SNX20: variants seen among roughly 807,000 people sequenced by gnomAD.
SNX20 encodes sorting nexin 20.
SNX20 carries 21 observed loss-of-function variants against 24.5 expected under a neutral mutation model. The observed-to-expected ratio is 0.86, with a 90% CI of 0.61 to 1.23. SNX20 has a LOEUF of 1.23. Among genes scored for constraint, SNX20 ranks in the 50% most tolerant of loss-of-function variants. SNX20 has a pLI of 0.00. For synonymous variants in SNX20, 206 were observed against 192.8 expected (o/e 1.07, Z -0.57); for missense variants, 433 against 430.8 (o/e 1.00, Z -0.04).
chr16:50,672,108 T>C lies in SNX20; in HGVS notation c.*1298A>G, dbSNP rs1963062732. The C allele has an allele frequency of 6.6e-6, 1 of 152,360 alleles. No homozygotes were observed. The highest frequency in any genetic ancestry group is 2.4e-5 in the African/African-American group (1 of 41,584). 9.4% of individuals were successfully genotyped at this position (152,360 alleles called of 1,614,324 possible). ...GTTGAATCTAGGTCATTGGTCCAGA[T>C]GCCCCTTCATTCTGGGCCTGTGGTG... On this transcript the variant is annotated 3_prime_UTR_variant, in exon 4 of 4. Transcript: ENST00000330943.
intron 1 of SNX20, among the ~76,000 whole-genome samples, chr16:50,680,551 T>C (rs533830373): frequency 6.6e-6 from 1 of 152,270 alleles, no homozygotes; most frequent in African/African-American, 2.4e-5. Context: ...GAGGCCACAC[T>C]ATCTTTCTGA....
At position 50,673,413 on chromosome 16, in the gene SNX20, A is replaced by C; in HGVS notation, c.944T>G (p.Leu315Arg). The change falls in exon 4 of 4, where the codon CTG becomes CGG. Residue 315 changes from leucine (L) to arginine (R), a missense_variant. Coordinates refer to ENST00000330943, the MANE Select transcript of SNX20 (RefSeq NM_182854.4). The surrounding 1 kb of genome is among the most constrained non-coding windows in gnomAD (Gnocchi z 4.1). ...TLKELTVREY[L>R]H is the part of the protein sequence containing the mutation. ...GCGGGGTCCCAGGCCGGCTCAGTGCAGGTATTCTCGCACAGTGAGCTCCTT... is the reference window on the plus strand; with the variant it reads ...GCGGGGTCCCAGGCCGGCTCAGTGCCGGTATTCTCGCACAGTGAGCTCCTT... The C allele has an allele frequency of 6.5e-7, 1 of 1,543,412 alleles. No individual in the cohort carries two copies. The highest frequency in any genetic ancestry group is 8.8e-7 in the Non-Finnish European group (1 of 1,142,684).
In SNX20 at chr16:50,680,159, C is replaced by G. The variant is rs182094914; in HGVS notation, c.-10+1031G>C. Among the ~76,000 whole-genome samples the G allele has an allele frequency of 1.1e-3, 162 of 152,302 alleles. 1 individual carries two copies. Among genetic ancestry groups the G allele is most frequent in the East Asian group, 2.3e-3 (12 of 5,188 alleles). ...GGAGGGGGAAGGAAAGAGTTGTGCA[C>G]TGGTGTATCCATGGGGCCTTGGGTA... On this transcript the variant is annotated intron_variant, in intron 1 of 3. Coordinates refer to ENST00000330943, the MANE Select transcript of SNX20 (RefSeq NM_182854.4).
At chr16:50,667,295 G>T, downstream of SNX20, 1 of 153,526 alleles carries the variant, frequency 6.5e-6, no homozygotes, top group Non-Finnish European at 1.4e-5. Context: ...AACTGAGGAT[G>T]CCGAGGGTGG....
rs1293054361 is a variant in SNX20, at chr16:50,673,536, A to G, written c.821T>C (p.Val274Ala). 7 of 1,609,356 alleles carry G rather than the reference A, an allele frequency of 4.3e-6. No homozygotes were observed. Reference protein sequence around the residue: ...RYYAPLLDAMVRLAYALGKDF... With the variant: ...RYYAPLLDAMARLAYALGKDF... ...CTTGCCCAGCGCGTAGGCCAGGCGG[A>G]CCATGGCGTCCAGCAGAGGCGCATA... is the stretch of plus-strand genomic sequence containing the variant. The change falls in exon 4 of 4, where the codon GTC (valine) becomes GCC (alanine). Residue 274 changes from valine to alanine, a missense_variant. Val to Ala is a moderately conservative substitution (Grantham distance 64). Coordinates refer to ENST00000330943, the MANE Select transcript of SNX20 (RefSeq NM_182854.4). This position sits in a 1 kb window ranked among gnomAD's most constrained non-coding sequence, Gnocchi z 4.1.
chr16:50,669,008 T>G (rs1229658212), downstream of SNX20: 4 of 1,551,354 alleles, frequency 2.6e-6, no homozygotes, highest in Admixed American at 2.0e-5. Flanking sequence ...TTCCTGGAAT[T>G]TGGATGCAGG....
chr16:50,673,258 G>A lies in SNX20; in HGVS notation c.*148C>T. The A allele has an allele frequency of 1.6e-6, 2 of 1,251,818 alleles. No individual in the cohort carries two copies. Among genetic ancestry groups the A allele is most frequent in the Non-Finnish European group, 2.0e-6 (2 of 986,458 alleles). 77.5% of individuals were successfully genotyped at this position (1,251,818 alleles called of 1,614,324 possible). On this transcript the variant is annotated 3_prime_UTR_variant, in exon 4 of 4. Coordinates refer to ENST00000330943, the MANE Select transcript of SNX20 (RefSeq NM_182854.4). The surrounding 1 kb of genome is among the most constrained non-coding windows in gnomAD (Gnocchi z 4.1). ...TGAGGCTGCAGTGAGACATAATTGA[G>A]CCACTGCACTTCAGTCTGGGTGACA...
chr16:50,669,163 G>C, downstream of SNX20: 1 of 1,112,854 alleles, frequency 9.0e-7, no homozygotes, highest in Non-Finnish European at 1.3e-6. Context: ...AAACAGAGGT[G>C]AGTGAAATGA....
chr16:50,669,297 G>A, downstream of SNX20: 1 of 590,374 alleles, frequency 1.7e-6, no homozygotes. Flanking sequence ...CATGGCACCA[G>A]CATTGCTTCT....
At chr16:50,669,116 AT>A, downstream of SNX20, 1 of 1,496,642 alleles carries the variant, frequency 6.7e-7, no homozygotes, top group Non-Finnish European at 9.1e-7. Context: ...GTGACCCTGG[AT>A]AAGTCATCTC....
chr16:50,668,934 G>A (rs1448913210), downstream of SNX20: 8 of 1,481,228 alleles, frequency 5.4e-6, no homozygotes, highest in African/African-American at 2.8e-5. Context: ...GGAGGCTAGC[G>A]GCCCTGCCCA....
intron 1 of SNX20, among the ~76,000 whole-genome samples, chr16:50,678,511 C>T (rs1271797360): frequency 1.3e-5 from 2 of 152,238 alleles, no homozygotes; most frequent in Non-Finnish European, 2.9e-5. Flanking sequence ...ACCCAGCACA[C>T]ACTCTTGCAC....
At chr16:50,669,185 G>T, downstream of SNX20, 2 of 943,014 alleles carry the variant, frequency 2.1e-6, no homozygotes, top group Non-Finnish European at 3.4e-6. Context: ...CTTTAAAGGC[G>T]TGTCAGTCCA....
chr16:50,671,479 G>T (rs774142851), downstream of SNX20: 2 of 152,122 alleles, frequency 1.3e-5, no homozygotes, highest in African/African-American at 2.4e-5. Context: ...CATATCGGGG[G>T]TCTAACTCTT....
At chr16:50,679,206 G>A (rs140072858) in intron 1 of SNX20, among the ~76,000 whole-genome samples, 1,895 of 152,256 alleles carry the variant, frequency 0.012, 19 homozygotes, top group Non-Finnish European at 0.021. Flanking sequence ...TGAACCCCTG[G>A]GCTGACTACG....
chr16:50,673,691 G>T lies in SNX20; in HGVS notation c.666C>A (p.Cys222Ter). The T allele has an allele frequency of 6.7e-7, 1 of 1,498,866 alleles. No homozygotes were observed. The highest frequency in any genetic ancestry group is 2.6e-5 in the East Asian group (1 of 37,966). 92.8% of individuals were successfully genotyped at this position (1,498,866 alleles called of 1,614,324 possible). ...LPLQEKLTAH[C>*]PAAAVPALCA... ...ACAGGGCCGGGACGGCGGCCGCAGG[G>T]CAGTGGGCGGTGAGCTTCTCCTGCA... The change falls in exon 4 of 4, where the codon TGC (cysteine) becomes TGA (stop). Residue 222 changes from cysteine to a stop codon, truncating the protein, a stop_gained. Transcript: ENST00000330943. LOFTEE classifies it high-confidence loss of function. The surrounding 1 kb of genome is among the most constrained non-coding windows in gnomAD (Gnocchi z 4.1).
Position 50,673,384 on chromosome 16 carries a change from C to T in SNX20, c.*22G>A, listed in dbSNP as rs1963095590. 6.8e-7 allele frequency: 1 copy of T among 1,463,652 alleles called. No individual in the cohort carries two copies. Among genetic ancestry groups the T allele is most frequent in the Non-Finnish European group, 9.1e-7 (1 of 1,102,774 alleles). 90.7% of individuals were successfully genotyped at this position (1,463,652 alleles called of 1,614,324 possible). ...CATGGTGACCCCAAATCTCCAGCGTCCCTGCGGGGTCCCAGGCCGGCTCAG... is the reference window on the plus strand; with the variant it reads ...CATGGTGACCCCAAATCTCCAGCGTTCCTGCGGGGTCCCAGGCCGGCTCAG... On this transcript the variant is annotated 3_prime_UTR_variant, in exon 4 of 4. Transcript: ENST00000330943. The surrounding 1 kb of genome is among the most constrained non-coding windows in gnomAD (Gnocchi z 4.1).
rs761442088 is a variant in SNX20 at position 50,673,667 on chromosome 16, C to T, written c.690G>A (p.Leu230=). 2.0e-5 allele frequency: 30 copies of T among 1,500,754 alleles called. No homozygotes were observed. Among genetic ancestry groups the T allele is most frequent in the Middle Eastern group, 3.8e-4 (2 of 5,282 alleles). 93.0% of individuals were successfully genotyped at this position (1,500,754 alleles called of 1,614,324 possible). A position where few individuals can be genotyped will look rare whatever the true frequency, so the allele number is the denominator to read the frequency against. The change falls in exon 4 of 4, where the codon CTG becomes CTA. Residue 230 remains leucine (L), a synonymous_variant. Coordinates refer to ENST00000330943, the MANE Select transcript of SNX20 (RefSeq NM_182854.4). This position sits in a 1 kb window ranked among gnomAD's most constrained non-coding sequence, Gnocchi z 4.1. ...AHCPAAAVPA[L]CAVLLCHRDL... ...CGCGGTGGCACAGCAGCACGGCGCA[C>T]AGGGCCGGGACGGCGGCCGCAGGGC...
At chr16:50,680,831 A>G (rs997310037) in intron 1 of SNX20, among the ~76,000 whole-genome samples, 2 of 152,186 alleles carry the variant, frequency 1.3e-5, no homozygotes, top group Non-Finnish European at 2.9e-5. Context: ...CTGCTAACAT[A>G]GGAAGGTGCC....
Sources: allele counts gnomAD v4.1 joint callset (sites outside exome capture counted in the v4.1 genomes callset), GRCh38; gene constraint gnomAD v4.1.1; non-coding constraint Gnocchi (gnomAD v3.1); transcripts MANE v1.5; gene names NCBI Gene and HGNC (gene_info 2026-07-23, HGNC 2026-07-21).